The following CBLN2 variants were observed in gnomAD, a reference collection of about 807,000 sequenced individuals.
The protein encoded by CBLN2 is cerebellin 2 precursor.
In CBLN2, 7 loss-of-function variants were observed where a neutral mutation model predicts 15.0. That is an observed-to-expected ratio of 0.47 (90% CI 0.27 to 0.88). The LOEUF (loss-of-function observed/expected upper bound fraction) is 0.88. Among genes scored for constraint, CBLN2 ranks in the 40% least tolerant of loss-of-function variants. CBLN2 has a pLI of 0.14. For missense variants in CBLN2, 242 were observed against 304.5 expected, an observed-to-expected ratio of 0.79 and a Z score of 1.53; for synonymous variants, 149 against 135.2, an observed-to-expected ratio of 1.10 and a Z score of -0.71.
At chr18:72,539,999 G>C (rs929095121) in intron 3 of CBLN2, 1 of 152,178 alleles carries the variant, frequency 6.6e-6, no homozygotes, top group African/African-American at 2.4e-5. Flanking sequence ...GAAATGACTT[G>C]TGAAATATGC....
At chr18:72,544,973 C>CTAATAA (rs3841257), upstream of CBLN2, among the ~76,000 whole-genome samples, 21,891 of 147,100 alleles carry the variant, frequency 0.15, 1,672 homozygotes, top group Admixed American at 0.16. Flanking sequence ...TTCTGATAGG[C>CTAATAA]TAATAATAAT....
chr18:72,599,850 C>T (rs1011379512), intron 1 of CBLN2, among the ~76,000 whole-genome samples: 1 of 152,200 alleles, frequency 6.6e-6, no homozygotes, highest in African/African-American at 2.4e-5. Flanking sequence ...GCCCGTGAAA[C>T]AGTTTGAGAG....
intron 1 of CBLN2, among the ~76,000 whole-genome samples, chr18:72,578,087 A>G (rs1343903543): frequency 1.3e-5 from 2 of 152,222 alleles, no homozygotes; most frequent in African/African-American, 4.8e-5. Flanking sequence ...TTGAAGCTTC[A>G]ATTCACTCAT....
intron 2 of CBLN2, among the ~76,000 whole-genome samples, chr18:72,542,764 C>T (rs1476525269): frequency 6.6e-6 from 1 of 152,106 alleles, no homozygotes; most frequent in African/African-American, 2.4e-5. Context: ...CCCTTGTTTC[C>T]CTGCTATCCT....
chr18:72,553,696 C>T (rs2069205874), intron 1 of CBLN2, among the ~76,000 whole-genome samples: 1 of 152,074 alleles, frequency 6.6e-6, no homozygotes, highest in African/African-American at 2.4e-5. Flanking sequence ...CGCAATCTAA[C>T]CGTAGGAAAT....
intron 1 of CBLN2, among the ~76,000 whole-genome samples, chr18:72,570,469 A>C (rs1294685537): frequency 6.6e-6 from 1 of 151,660 alleles, no homozygotes. Flanking sequence ...GCAAGTCTCA[A>C]ACTCCTGGGC....
intron 1 of CBLN2, among the ~76,000 whole-genome samples, chr18:72,602,141 C>T (rs538098384): frequency 6.6e-6 from 1 of 152,162 alleles, no homozygotes; most frequent in Admixed American, 6.5e-5. Context: ...CCCTTCCGGT[C>T]CCCCCAGAAG....
chr18:72,578,691 C>A (rs625050), intron 1 of CBLN2, among the ~76,000 whole-genome samples: 2 of 152,062 alleles, frequency 1.3e-5, no homozygotes, highest in African/African-American at 4.8e-5. Context: ...CTATTTACTA[C>A]GCAGTAATGT....
intron 1 of CBLN2, among the ~76,000 whole-genome samples, chr18:72,560,979 C>A (rs555144509): frequency 2.0e-5 from 3 of 151,560 alleles, no homozygotes; most frequent in Non-Finnish European, 2.9e-5. Context: ...ACCGTACTCC[C>A]GCCTGGGTGA....
chr18:72,559,388 A>G (rs145765392), intron 1 of CBLN2, among the ~76,000 whole-genome samples: 61 of 152,308 alleles, frequency 4.0e-4, no homozygotes, highest in African/African-American at 1.4e-3. Flanking sequence ...TCCCTAACCT[A>G]TTAGGGGCTT....
intron 1 of CBLN2, among the ~76,000 whole-genome samples, chr18:72,581,588 T>G (rs1439261236): frequency 6.6e-6 from 1 of 152,230 alleles, no homozygotes; most frequent in Non-Finnish European, 1.5e-5. Context: ...TATGTTCTCA[T>G]GAGTTTTCTC....
intron 1 of CBLN2, among the ~76,000 whole-genome samples, chr18:72,617,327 G>T (rs901765374): frequency 2.3e-4 from 35 of 152,078 alleles, no homozygotes; most frequent in East Asian, 1.2e-3. Flanking sequence ...CTGATTGAAT[G>T]AATTACCATG....
intron 1 of CBLN2, among the ~76,000 whole-genome samples, chr18:72,638,096 A>T (rs2144987350): frequency 6.6e-6 from 1 of 152,360 alleles, no homozygotes; most frequent in Non-Finnish European, 1.5e-5. Flanking sequence ...CGTACATGTA[A>T]GAAAATGAAA....
chr18:72,560,892 C>A (rs1199411586), intron 1 of CBLN2, among the ~76,000 whole-genome samples: 1 of 151,942 alleles, frequency 6.6e-6, no homozygotes. Context: ...GCCTGTGGTC[C>A]CAGCTACTTG....
intron 1 of CBLN2, among the ~76,000 whole-genome samples, chr18:72,595,596 C>A (rs1329791156): frequency 6.6e-6 from 1 of 152,112 alleles, no homozygotes; most frequent in African/African-American, 2.4e-5. Flanking sequence ...TCTGGATGAT[C>A]TGTCCAATGC....
intron 1 of CBLN2, among the ~76,000 whole-genome samples, chr18:72,564,548 C>T (rs2069282072): frequency 6.6e-6 from 1 of 152,054 alleles, no homozygotes; most frequent in Non-Finnish European, 1.5e-5. Flanking sequence ...ACTATATGGT[C>T]AAATTTTCTC....
intron 1 of CBLN2, among the ~76,000 whole-genome samples, chr18:72,599,691 T>C (rs2069535654): frequency 6.6e-6 from 1 of 152,152 alleles, no homozygotes; most frequent in South Asian, 2.1e-4. Context: ...CAGCATAAGA[T>C]ACTGGAAAAA....
At chr18:72,638,376 G>A in exon 1 of CBLN2, 1 of 398,516 alleles carries the variant, frequency 2.5e-6, no homozygotes. Flanking sequence ...TGTCCCAGCA[G>A]ATCTGAAGAA....
Position 72,538,674 on chromosome 18 carries a change from C to A in CBLN2, c.456G>T (p.Val152=), listed in dbSNP as rs749451270. The A allele has an allele frequency of 6.2e-7, 1 of 1,614,038 alleles. No individual in the cohort carries two copies. Among genetic ancestry groups the A allele is most frequent in the East Asian group, 2.2e-5 (1 of 44,868 alleles). ...CCACCTGGATGGTTTGTCTGTTATACACTTTGACCACGTGGAAGCTGAAGC... is the reference window on the plus strand; with the variant it reads ...CCACCTGGATGGTTTGTCTGTTATAAACTTTGACCACGTGGAAGCTGAAGC... ...IYSFSFHVVK[V]YNRQTIQVSL... The change falls in exon 4 of 5, where the codon GTG becomes GTT. Residue 152 remains valine, a synonymous_variant. Coordinates refer to ENST00000269503, the MANE Select transcript of CBLN2 (RefSeq NM_182511.4).
Sources: gnomAD v4.1 joint callset for allele counts (sites outside exome capture counted in the v4.1 genomes callset) on GRCh38, gnomAD v4.1.1 for gene constraint, MANE v1.5 for transcripts, NCBI Gene and HGNC (gene_info 2026-07-23, HGNC 2026-07-21) for gene names.